UNC13C: variants seen among roughly 807,000 people sequenced by gnomAD.
The protein encoded by UNC13C is protein unc-13 homolog C.
Under a neutral mutation model 245.4 loss-of-function variants are expected in UNC13C, and 174 were observed. The observed-to-expected ratio is 0.71, with a 90% CI of 0.63 to 0.80. The LOEUF (loss-of-function observed/expected upper bound fraction) is 0.80. Among genes scored for constraint, UNC13C ranks in the 30% least tolerant of loss-of-function variants. UNC13C has a pLI of 0.00. For synonymous variants in UNC13C, 992 were observed against 895.1 expected, an observed-to-expected ratio of 1.11 and a Z score of -1.93; for missense variants, 2,829 against 2,602.9, an observed-to-expected ratio of 1.09 and a Z score of -1.89.
rs60975842 is a variant in UNC13C, at chr15:54,548,208, C to CTTTTTTTTTTT, written c.5820+1383_5820+1393dup. ...TGTTGTTGTTGTTTTGTTTCTTTTGCTTTTTTTTTTTTTTTTTTTTTTTTT... is the reference window on the plus strand; with the variant it reads ...TGTTGTTGTTGTTTTGTTTCTTTTGCTTTTTTTTTTTTTTTTTTTTTTTTTTTTTTTTTTTT... On this transcript the variant is annotated intron_variant, in intron 27 of 32. Transcript: ENST00000260323. 4.4e-4 allele frequency among the ~76,000 whole-genome samples: 27 copies of CTTTTTTTTTTT among 61,928 alleles called. 1 individual carries two copies. Among genetic ancestry groups the CTTTTTTTTTTT allele is most frequent in the African/African-American group, 9.6e-4 (22 of 22,932 alleles). The allele number at this position is 61,928 out of a possible 152,430, so 40.6% of individuals were successfully genotyped here.
chr15:54,443,285 T>C (rs577675900), intron 19 of UNC13C, among the ~76,000 whole-genome samples: 27 of 152,266 alleles, frequency 1.8e-4, no homozygotes, highest in Middle Eastern at 3.4e-3. Context: ...TGACTTTGTT[T>C]ATTTGGATCT....
At chr15:54,079,365 A>G (rs917391442) in intron 2 of UNC13C, among the ~76,000 whole-genome samples, 6 of 151,998 alleles carry the variant, frequency 3.9e-5, no homozygotes, top group Admixed American at 1.3e-4. Flanking sequence ...TGGTAATTTC[A>G]TAGGAATTTC....
intron 19 of UNC13C, among the ~76,000 whole-genome samples, chr15:54,424,241 C>T (rs953796289): frequency 2.0e-4 from 31 of 151,548 alleles, no homozygotes; most frequent in African/African-American, 6.5e-4. Context: ...TGTAATATTT[C>T]GGTAAAAAAA....
intron 19 of UNC13C, among the ~76,000 whole-genome samples, chr15:54,444,895 C>T (rs1403704846): frequency 2.0e-5 from 3 of 151,416 alleles, no homozygotes; most frequent in Admixed American, 6.6e-5. Flanking sequence ...ATACATGTGC[C>T]GTGTTGGTGT....
At chr15:54,050,203 C>A in intron 2 of UNC13C, 1 of 518,216 alleles carries the variant, frequency 1.9e-6, no homozygotes. Context: ...AACTCCTGAC[C>A]TCAGGTGATC....
intron 29 of UNC13C, among the ~76,000 whole-genome samples, chr15:54,559,814 T>G (rs1357869304): frequency 6.6e-6 from 1 of 151,958 alleles, no homozygotes; most frequent in Non-Finnish European, 1.5e-5. Context: ...CATGAAAACT[T>G]TAAATAGTCT....
At chr15:54,443,433 T>G (rs1004526126) in intron 19 of UNC13C, among the ~76,000 whole-genome samples, 1 of 151,986 alleles carries the variant, frequency 6.6e-6, no homozygotes, top group African/African-American at 2.4e-5. Context: ...TATTTCTTTC[T>G]TTCAACTAAT....
the UNC13C span, among the ~76,000 whole-genome samples, chr15:53,910,043 TG>T: frequency 2.8e-5 from 4 of 144,036 alleles, no homozygotes; most frequent in African/African-American, 9.9e-5. Context: ...TTGTTCCTGG[TG>T]GTAGGGAAAC....
intron 19 of UNC13C, among the ~76,000 whole-genome samples, chr15:54,478,625 G>T (rs1408661330): frequency 6.6e-6 from 1 of 151,782 alleles, no homozygotes; most frequent in African/African-American, 2.4e-5. Context: ...GCAGTTTTGA[G>T]TGAGTTTCTT....
intron 24 of UNC13C, among the ~76,000 whole-genome samples, chr15:54,512,123 G>A (rs1894770487): frequency 6.6e-6 from 1 of 152,124 alleles, no homozygotes; most frequent in South Asian, 2.1e-4. Flanking sequence ...ATATTTGTAT[G>A]CTAATGACTT....
At chr15:53,979,158 ATGAC>A (rs1893822639) in intron 1 of UNC13C, among the ~76,000 whole-genome samples, 1 of 152,222 alleles carries the variant, frequency 6.6e-6, no homozygotes, top group Non-Finnish European at 1.5e-5. Context: ...AGAATGATAA[ATGAC>A]TGCTTAGTTT....
At chr15:54,227,896 C>G (rs973119995) in intron 4 of UNC13C, among the ~76,000 whole-genome samples, 5 of 152,210 alleles carry the variant, frequency 3.3e-5, no homozygotes, top group Non-Finnish European at 7.3e-5. Context: ...CCACAATAAG[C>G]AGGTGGTAAG....
At chr15:53,978,391 G>C (rs1051662771), upstream of UNC13C, among the ~76,000 whole-genome samples, 7 of 152,174 alleles carry the variant, frequency 4.6e-5, no homozygotes, top group Non-Finnish European at 1.0e-4. Context: ...GAGGGAGCCC[G>C]GGCGCTCTCG....
chr15:54,186,845 G>GTATATATATATATATATATATATATA (rs1555428684), intron 4 of UNC13C, among the ~76,000 whole-genome samples: 1 of 113,384 alleles, frequency 8.8e-6, no homozygotes, highest in Non-Finnish European at 1.7e-5. Context: ...TAATATATAT[G>GTATATATATATATATATATATATATA]TATATATATA....
intron 2 of UNC13C, among the ~76,000 whole-genome samples, chr15:54,126,125 G>A (rs1242699870): frequency 6.6e-6 from 1 of 152,090 alleles, no homozygotes; most frequent in East Asian, 1.9e-4. Flanking sequence ...ATAAACTTAA[G>A]CCTTAACATA....
chr15:54,058,738 C>T (rs1410343484), intron 2 of UNC13C, among the ~76,000 whole-genome samples: 2 of 152,178 alleles, frequency 1.3e-5, no homozygotes, highest in African/African-American at 4.8e-5. Flanking sequence ...CAGAATCCAG[C>T]AGCACATCAA....
At chr15:54,042,868 AAAGAAAAAG>A (rs1445219001) in intron 2 of UNC13C, among the ~76,000 whole-genome samples, 1 of 151,794 alleles carries the variant, frequency 6.6e-6, no homozygotes, top group Non-Finnish European at 1.5e-5. Context: ...AGAAAAAGAA[AAAGAAAAAG>A]AAACCACTTA....
intron 2 of UNC13C, among the ~76,000 whole-genome samples, chr15:54,135,985 A>G (rs2094859269): frequency 6.6e-6 from 1 of 152,134 alleles, no homozygotes; most frequent in Admixed American, 6.5e-5. Context: ...GGCACACTGA[A>G]CATCTTTCCA....
chr15:53,889,813 C>G, the UNC13C span, among the ~76,000 whole-genome samples: 436 of 152,160 alleles, frequency 2.9e-3, 3 homozygotes, highest in Non-Finnish European at 4.7e-3. Context: ...GAGATAATCA[C>G]GTGGTTTTTG....
Sources: allele counts gnomAD v4.1 joint callset (sites outside exome capture counted in the v4.1 genomes callset), GRCh38; gene constraint gnomAD v4.1.1; transcripts MANE v1.5; gene names NCBI Gene and HGNC (gene_info 2026-07-23, HGNC 2026-07-21).